Variants in NPHP3 observed in about 807,000 individuals in gnomAD.
NPHP3 encodes nephrocystin 3, also known as nephrocystin-3.
Under a neutral mutation model 171.9 loss-of-function variants are expected in NPHP3, and 123 were observed. The ratio of observed to expected loss-of-function variants is 0.72; its 90% CI spans 0.62 to 0.83. NPHP3 has a LOEUF of 0.83. Among genes scored for constraint, NPHP3 ranks in the 40% least tolerant of loss-of-function variants. NPHP3 has a pLI of 0.00. For missense variants in NPHP3, 1,506 were observed against 1,591.9 expected (o/e 0.95, Z 0.92); for synonymous variants, 558 against 579.2 (o/e 0.96, Z 0.52).
chr3:132,705,875 A>G, intron 7 of NPHP3, 61 bp from the exon 8 acceptor site: 1 of 882,488 alleles, frequency 1.1e-6, no homozygotes. Context: ...AAGTGGTGGT[A>G]AATACTTTTA....
At position 132,705,790 on chromosome 3, in the gene NPHP3, C is replaced by A; in HGVS notation, c.1300G>T (p.Ala434Ser). The A allele has an allele frequency of 6.6e-7, 1 of 1,511,974 alleles. No individual in the cohort carries two copies. Among genetic ancestry groups the A allele is most frequent in the Non-Finnish European group, 9.2e-7 (1 of 1,088,462 alleles). The allele number at this position is 1,511,974 out of a possible 1,614,324, so 93.7% of individuals were successfully genotyped here. A position where few individuals can be genotyped will look rare whatever the true frequency, so the allele number is the denominator to read the frequency against. Residue 434 changes from alanine to serine, a missense_variant, in exon 8 of 27, where the codon GCA (alanine) becomes TCA (serine). Physicochemically the swap from Ala to Ser is moderately conservative, Grantham distance 99. This residue lies in a region of NPHP3 where 930 missense variants were observed against 924.9 expected (regional missense o/e 1.01). Transcript: ENST00000337331. ...AKIIDHSGDP[A>S]EGVYKTYICV... ...ATATAAGTTTTATATACTCCTTCTG[C>A]AGGATCTCCTGAGTGATCAATGATC...
chr3:132,701,397 T>C (rs754129437), intron 10 of NPHP3, 33 bp downstream of exon 10: 3 of 1,412,840 alleles, frequency 2.1e-6, no homozygotes, highest in Admixed American at 3.4e-5. Flanking sequence ...ATTCAAACAA[T>C]GACAACAATA....
chr3:132,716,199 T>C (rs2107999477), intron 4 of NPHP3, among the ~76,000 whole-genome samples: 2 of 152,338 alleles, frequency 1.3e-5, no homozygotes, highest in South Asian at 4.1e-4. Flanking sequence ...CTCTAGTTAT[T>C]TACAATACCT....
Position 132,686,360 on chromosome 3 carries a change from C to G in NPHP3, c.3229G>C (p.Ala1077Pro). The part of the protein sequence containing the change: ...LYGFALLRRR[A>P]LQLEELTLGK... Reference sequence around the variant, plus strand: ...AATGTAAGCTCTTCTAACTGTAAAGCCCGTCTACGTAAAAGGGCAAATCCG... The same window carrying G: ...AATGTAAGCTCTTCTAACTGTAAAGGCCGTCTACGTAAAAGGGCAAATCCG... The change falls in exon 23 of 27, where the codon GCT becomes CCT. Residue 1077 changes from alanine to proline, a missense_variant. Ala to Pro is a conservative substitution (Grantham distance 27). This residue lies in a region of NPHP3 where 569 missense variants were observed against 648.1 expected (regional missense o/e 0.88). Transcript: ENST00000337331. 2 of 1,614,056 alleles carry G rather than the reference C, an allele frequency of 1.2e-6. No individual in the cohort carries two copies. The highest frequency in any genetic ancestry group is 1.7e-6 in the Non-Finnish European group (2 of 1,179,970).
intron 4 of NPHP3, 33 bp from the exon 5 acceptor site, chr3:132,715,251 A>G: frequency 6.3e-7 from 1 of 1,596,258 alleles, no homozygotes; most frequent in Non-Finnish European, 8.6e-7. Flanking sequence ...TCATGAAAAA[A>G]TTACCAGAAC....
chr3:132,722,102 T>C lies in NPHP3; in HGVS notation c.254A>G (p.Glu85Gly). 6.2e-7 allele frequency: 1 copy of C among 1,608,382 alleles called. No homozygotes were observed. Residue 85 changes from glutamate (E) to glycine (G), a missense_variant, in exon 1 of 27, where the codon GAG becomes GGG. Glu to Gly is a moderately conservative substitution (Grantham distance 98, BLOSUM62 -2). Around this residue, in one of 3 missense-constraint regions of NPHP3, gnomAD observed 930 missense variants for 924.9 expected, o/e 1.01. Coordinates refer to ENST00000337331, the MANE Select transcript of NPHP3 (RefSeq NM_153240.5). ...KSTGSSVPELEYAAAEYERLR... is the reference protein window; with the variant it reads ...KSTGSSVPELGYAAAEYERLR... ...CCGCTCGTACTCGGCCGCCGCGTACTCCAGCTCTGGCACCGACGAGCCAGT... is the reference window on the plus strand; with the variant it reads ...CCGCTCGTACTCGGCCGCCGCGTACCCCAGCTCTGGCACCGACGAGCCAGT...
intron 17 of NPHP3, 133 bp from the exon 18 acceptor site, chr3:132,691,419 T>A (rs917335634): frequency 3.1e-5 from 21 of 675,686 alleles, no homozygotes; most frequent in Middle Eastern, 3.1e-4. Flanking sequence ...CTTAAATGTT[T>A]TTAAATTTAG....
chr3:132,692,708 G>A lies in NPHP3; in HGVS notation c.2421C>T (p.Tyr807=), dbSNP rs771249223. ...ATCCATAAGTCAACAAACACATTTTGTATAAACTGTGAATAAGGGAGGTCA... is the reference window on the plus strand; with the variant it reads ...ATCCATAAGTCAACAAACACATTTTATATAAACTGTGAATAAGGGAGGTCA... ...TFLTSLIHSL[Y]KMCLLTYGCG... is the part of the protein sequence containing the mutation. The change falls in exon 17 of 27, where the codon TAC becomes TAT. Residue 807 remains tyrosine (Y), a synonymous_variant. Transcript: ENST00000337331. 3.1e-6 allele frequency: 5 copies of A among 1,613,850 alleles called. No individual in the cohort carries two copies. The South Asian group carries it at 5.5e-5, about 18-fold the overall frequency.
chr3:132,682,611 A>G, intron 26 of NPHP3, 92 bp downstream of exon 26: 4 of 814,076 alleles, frequency 4.9e-6, no homozygotes, highest in South Asian at 4.3e-5. Context: ...ACTCTAAGAA[A>G]AAACATTCAG....
At chr3:132,689,929 T>C (rs1275590668) in intron 19 of NPHP3, among the ~76,000 whole-genome samples, 3 of 152,142 alleles carry the variant, frequency 2.0e-5, no homozygotes, top group Admixed American at 1.3e-4. Context: ...ATGATACTTA[T>C]TGTATAAGAA....
intron 16 of NPHP3, among the ~76,000 whole-genome samples, chr3:132,694,353 TTA>T (rs1306859275): frequency 7.4e-5 from 10 of 134,606 alleles, no homozygotes; most frequent in African/African-American, 9.6e-5. Context: ...TTGAAGGAAA[TTA>T]TGTGTGTGTG....
chr3:132,694,930 TGAA>T lies in NPHP3; in HGVS notation c.2204_2206del (p.Leu735del), dbSNP rs1560005485. On this transcript the variant is annotated inframe_deletion, in exon 16 of 27. Transcript: ENST00000337331. Reference sequence around the variant, plus strand: ...AGTATCTTGACACTGGAAACACTGATGAAGGATTTTATCTAAATTGCCTGCTCT... The same window carrying T: ...AGTATCTTGACACTGGAAACACTGATGGATTTTATCTAAATTGCCTGCTCT... The T allele has an allele frequency of 6.2e-7, 1 of 1,613,890 alleles. No individual in the cohort carries two copies. Among genetic ancestry groups the T allele is most frequent in the East Asian group, 2.2e-5 (1 of 44,842 alleles).
intron 3 of NPHP3, chr3:132,717,168 AATC>A (rs1940076142): frequency 1.4e-5 from 6 of 417,424 alleles, no homozygotes; most frequent in East Asian, 1.4e-4. Context: ...ATAAAAAAGA[AATC>A]ATAATAAGAA....
At chr3:132,710,422 G>A (rs1311310953) in intron 6 of NPHP3, among the ~76,000 whole-genome samples, 1 of 151,484 alleles carries the variant, frequency 6.6e-6, no homozygotes, top group African/African-American at 2.4e-5. Flanking sequence ...TTACTATTTA[G>A]GCACGGAAGC....
At chr3:132,706,750 C>T (rs1272046232) in intron 7 of NPHP3, among the ~76,000 whole-genome samples, 1 of 152,020 alleles carries the variant, frequency 6.6e-6, no homozygotes, top group African/African-American at 2.4e-5. Context: ...ATAAACTCAT[C>T]CTTCCAGCAT....
chr3:132,719,609 AC>A, intron 2 of NPHP3, 95 bp downstream of exon 2: 1 of 800,164 alleles, frequency 1.2e-6, no homozygotes, highest in Non-Finnish European at 1.8e-6. Flanking sequence ...TACATGACTT[AC>A]TTCTATTTAT....
chr3:132,719,286 G>C (rs902491314), intron 2 of NPHP3, 142 bp from the exon 3 acceptor site: 5 of 694,354 alleles, frequency 7.2e-6, no homozygotes, highest in Non-Finnish European at 1.2e-5. Flanking sequence ...GAATGTCCTA[G>C]TACCTTTACC....
At chr3:132,694,195 G>A (rs1939382986) in intron 16 of NPHP3, among the ~76,000 whole-genome samples, 1 of 152,002 alleles carries the variant, frequency 6.6e-6, no homozygotes, top group African/African-American at 2.4e-5. Flanking sequence ...TTGCAAATGA[G>A]CAGAAGAGAT....
At chr3:132,691,013 T>C in intron 18 of NPHP3, among the ~76,000 whole-genome samples, 179 bp downstream of exon 18, 1 of 152,210 alleles carries the variant, frequency 6.6e-6, no homozygotes, top group South Asian at 2.1e-4. Flanking sequence ...TTTAGCATAA[T>C]ATTAAAAGAC....
Sources: gnomAD v4.1 joint callset for allele counts (sites outside exome capture counted in the v4.1 genomes callset) on GRCh38, gnomAD v4.1.1 for gene constraint, gnomAD v4.1.1 regional missense constraint, MANE v1.5 for transcripts, NCBI Gene and HGNC (gene_info 2026-07-23, HGNC 2026-07-21) for gene names.